The following CEP76 variants were observed in gnomAD, a reference collection of about 807,000 sequenced individuals.
The protein encoded by CEP76 is centrosomal protein 76, also known as centrosomal protein of 76 kDa.
Under a neutral mutation model 83.3 loss-of-function variants are expected in CEP76, and 55 were observed. That is an observed-to-expected ratio of 0.66 (90% CI 0.53 to 0.83). CEP76 has a LOEUF of 0.83. CEP76 is among the 40% of genes least tolerant of loss of function. The pLI is 0.00. For missense variants in CEP76, 694 were observed against 799.5 expected, an observed-to-expected ratio of 0.87 and a Z score of 1.59; for synonymous variants, 270 against 274.5, an observed-to-expected ratio of 0.98 and a Z score of 0.16.
downstream of CEP76, among the ~76,000 whole-genome samples, chr18:12,671,543 T>C (rs1015925608): frequency 2.6e-5 from 4 of 152,004 alleles, no homozygotes; most frequent in Non-Finnish European, 4.4e-5. Context: ...TTGCAAAAAG[T>C]TGAATTGCTA....
At position 12,695,240 on chromosome 18, in the gene CEP76, T is replaced by G; in HGVS notation, c.804+14A>C. ...AACAAACACACAAAAAAAGAGAAAC[T>G]CATAAGTATTTACCTGTGTGTTCAC... is the stretch of plus-strand genomic sequence containing the variant. On this transcript the variant is annotated intron_variant, in intron 6 of 11. Coordinates refer to ENST00000262127, the MANE Select transcript of CEP76 (RefSeq NM_024899.4). 1 of 1,188,370 alleles carries G rather than the reference T, an allele frequency of 8.4e-7. No homozygotes were observed. The highest frequency in any genetic ancestry group is 1.2e-6 in the Non-Finnish European group (1 of 836,236). 73.6% of individuals were successfully genotyped at this position (1,188,370 alleles called of 1,614,324 possible). A position where few individuals can be genotyped will look rare whatever the true frequency, so the allele number is the denominator to read the frequency against.
At chr18:12,683,904 AAAT>A (rs959250305) in intron 8 of CEP76, among the ~76,000 whole-genome samples, 2 of 151,848 alleles carry the variant, frequency 1.3e-5, no homozygotes, top group African/African-American at 4.8e-5. Context: ...ATATAAAAAG[AAAT>A]AATAAACTAG....
Position 12,680,675 on chromosome 18 carries a change from A to C in CEP76, c.1276T>G (p.Leu426Val). 2 of 1,611,134 alleles carry C rather than the reference A, an allele frequency of 1.2e-6. No individual in the cohort carries two copies. Among genetic ancestry groups the C allele is most frequent in the Non-Finnish European group, 1.7e-6 (2 of 1,178,852 alleles). ...TAGTAAACTAACCTGTGTCCTGTTA[A>C]ACTCTCCCAAAAAGTGATGGCCCCA... ...TDGAITFWES[L>V]TGHRYIHKPT... is the part of the protein sequence containing the mutation. Residue 426 changes from leucine (L) to valine (V), a missense_variant, in exon 9 of 12, where the codon TTA (leucine) becomes GTA (valine). Transcript: ENST00000262127.
At chr18:12,678,493 A>T (rs1475871013) in intron 9 of CEP76, 51 bp from the exon 10 acceptor site, 1 of 1,224,010 alleles carries the variant, frequency 8.2e-7, no homozygotes, top group Non-Finnish European at 1.1e-6. Context: ...TTAAAAAGGC[A>T]GCATCTTACT....
At chr18:12,699,627 G>C (rs1359321243) in intron 3 of CEP76, among the ~76,000 whole-genome samples, 2 of 152,120 alleles carry the variant, frequency 1.3e-5, no homozygotes, top group African/African-American at 4.8e-5. Context: ...AGAAACTGGT[G>C]ATGCTGTTTT....
intron 7 of CEP76, 162 bp from the exon 8 acceptor site, chr18:12,686,612 C>T (rs2039548341): frequency 3.9e-6 from 2 of 516,554 alleles, no homozygotes; most frequent in South Asian, 2.5e-5. Flanking sequence ...TATAATTTCC[C>T]TTAATCCTCA....
intron 7 of CEP76, among the ~76,000 whole-genome samples, chr18:12,688,896 T>C (rs2039644383): frequency 1.3e-5 from 2 of 151,942 alleles, no homozygotes; most frequent in South Asian, 4.2e-4. Context: ...GGGCGGGTCA[T>C]GAGGTCAGGA....
In CEP76 at chr18:12,697,217, C is replaced by T. The variant is rs1262320561; in HGVS notation, c.706+6G>A. The T allele has an allele frequency of 8.8e-6, 14 of 1,594,556 alleles. No homozygotes were observed. Among genetic ancestry groups the T allele is most frequent in the Non-Finnish European group, 1.2e-5 (14 of 1,168,390 alleles). On this transcript the variant is annotated splice_donor_region_variant and intron_variant, in intron 5 of 11. Transcript: ENST00000262127. ...AAGGTTAACAATGATATATTAATCA[C>T]CATACCTACACCCATAAGTTCCACA...
intron 5 of CEP76, among the ~76,000 whole-genome samples, chr18:12,695,989 T>G (rs2039943115): frequency 6.6e-6 from 1 of 152,158 alleles, no homozygotes; most frequent in Admixed American, 6.5e-5. Context: ...CATGCCTGGA[T>G]TTAAAGAACT....
At chr18:12,695,410 C>G (rs2039917730) in intron 5 of CEP76, 59 bp from the exon 6 acceptor site, 1 of 743,368 alleles carries the variant, frequency 1.3e-6, no homozygotes, top group Non-Finnish European at 2.1e-6. Flanking sequence ...TTTAGTCAAC[C>G]AAAGTCTAAC....
intron 8 of CEP76, chr18:12,685,270 G>A (rs2039502223): frequency 6.6e-6 from 1 of 152,098 alleles, no homozygotes; most frequent in South Asian, 2.1e-4. Flanking sequence ...AAAGTGCTGG[G>A]ATTACAGGCA....
At chr18:12,671,638 CTTTCTTTTT>C (rs1254221754), downstream of CEP76, among the ~76,000 whole-genome samples, 287 of 82,938 alleles carry the variant, frequency 3.5e-3, 1 homozygote, top group African/African-American at 0.011. Flanking sequence ...AGGTTTCACA[CTTTCTTTTT>C]TTTTTTTTTT....
intron 5 of CEP76, among the ~76,000 whole-genome samples, chr18:12,696,045 G>C (rs1028221671): frequency 5.9e-5 from 9 of 152,114 alleles, no homozygotes; most frequent in African/African-American, 2.2e-4. Context: ...TGTTTCTTCA[G>C]TGAATCAGAA....
At chr18:12,695,384 T>A in intron 5 of CEP76, 33 bp from the exon 6 acceptor site, 1 of 1,044,174 alleles carries the variant, frequency 9.6e-7, no homozygotes, top group Non-Finnish European at 1.4e-6. Context: ...CTTCAGAGAT[T>A]TCAATACTAT....
At chr18:12,670,090 G>A (rs1432708672), downstream of CEP76, among the ~76,000 whole-genome samples, 1 of 152,198 alleles carries the variant, frequency 6.6e-6, no homozygotes, top group Non-Finnish European at 1.5e-5. Context: ...GGCACTTGGG[G>A]AGGCCAAGGC....
intron 5 of CEP76, among the ~76,000 whole-genome samples, chr18:12,696,887 A>G (rs1598661013): frequency 1.3e-5 from 2 of 152,296 alleles, no homozygotes; most frequent in East Asian, 3.9e-4. Context: ...CTGGACACAC[A>G]TAAGTTTGTA....
At chr18:12,700,041 G>C (rs2040098912) in intron 2 of CEP76, 136 bp from the exon 3 acceptor site, 6 of 460,190 alleles carry the variant, frequency 1.3e-5, no homozygotes, top group Non-Finnish European at 1.5e-5. Flanking sequence ...TATTTTCCTA[G>C]CCTAATTAAA....
Position 12,701,109 on chromosome 18 carries a change from T to C in CEP76, c.68A>G (p.Asp23Gly), listed in dbSNP as rs566284671. 2 of 1,608,680 alleles carry C rather than the reference T, an allele frequency of 1.2e-6. No individual in the cohort carries two copies. The highest frequency in any genetic ancestry group is 2.7e-5 in the African/African-American group (2 of 74,792). Residue 23 changes from aspartate to glycine, a missense_variant, in exon 2 of 12, where the codon GAT becomes GGT. Physicochemically the swap from Asp to Gly is moderately conservative, Grantham distance 94. Transcript: ENST00000262127. ...GATTTCTCTTATTCTACCATGGACA[T>C]CCATCTATGTAGAAAACTCATATTA... ...QLIHQQLSKM[D>G]VHGRIREILA...
intron 8 of CEP76, among the ~76,000 whole-genome samples, chr18:12,681,691 A>G (rs79866485): frequency 0.14 from 21,269 of 152,150 alleles, 1,721 homozygotes; most frequent in African/African-American, 0.2. Flanking sequence ...AAATACATAC[A>G]TAAGAAAAAT....
Sources: allele counts gnomAD v4.1 joint callset (sites outside exome capture counted in the v4.1 genomes callset), GRCh38; gene constraint gnomAD v4.1.1; transcripts MANE v1.5; gene names NCBI Gene and HGNC (gene_info 2026-07-23, HGNC 2026-07-21).